The following ZNF112 variants were observed in gnomAD, a reference collection of about 807,000 sequenced individuals.
ZNF112 encodes the protein zinc finger protein 112.
In ZNF112, 37 loss-of-function variants were observed where a neutral mutation model predicts 77.7. The ratio of observed to expected loss-of-function variants is 0.48; its 90% CI spans 0.37 to 0.63. ZNF112 has a LOEUF of 0.63. ZNF112 is among the 20% of genes least tolerant of loss of function. The probability of loss-of-function intolerance (pLI) is 0.00; values close to 1 mark genes in which losing one functional copy is unlikely to be tolerated. For missense variants in ZNF112, 950 were observed against 1,077.4 expected (o/e 0.88, Z 1.66); for synonymous variants, 333 against 363.6 (o/e 0.92, Z 0.96).
At position 44,327,122 on chromosome 19, in the gene ZNF112, G is replaced by C. The variant is rs1970137336; in HGVS notation, c.*311C>G. 3 of 233,532 alleles carry C rather than the reference G, an allele frequency of 1.3e-5. No homozygotes were observed. Among genetic ancestry groups the C allele is most frequent in the African/African-American group, 2.3e-5 (1 of 44,268 alleles). The allele number at this position is 233,532 out of a possible 1,614,324, so 14.5% of individuals were successfully genotyped here. A position where few individuals can be genotyped will look rare whatever the true frequency, so the allele number is the denominator to read the frequency against. On this transcript the variant is annotated 3_prime_UTR_variant, in exon 4 of 4. Transcript: ENST00000354340. ...TGTCCTAGTTTTGTAGACTAGCAATGAACAAAGTCCCTTCTTTCACCAAGC... is the reference window on the plus strand; with the variant it reads ...TGTCCTAGTTTTGTAGACTAGCAATCAACAAAGTCCCTTCTTTCACCAAGC...
intron 1 of ZNF112, among the ~76,000 whole-genome samples, chr19:44,364,699 A>G (rs545440644): frequency 1.3e-5 from 2 of 152,362 alleles, no homozygotes; most frequent in Admixed American, 1.3e-4. Flanking sequence ...AATACAGTAT[A>G]ACAACTATTT....
chr19:44,329,852 G>C lies in ZNF112; in HGVS notation c.305C>G (p.Thr102Ser). ...TAACCCACCTGCACTTTGTTGCCAG[G>C]TCTGACGGGAGGAAAGCTCTTTGGG... ...FSPKELSSRQ[T>S]WQQSAGGLIR... Residue 102 changes from threonine (T) to serine (S), a missense_variant, in exon 4 of 4, where the codon ACC (threonine) becomes AGC (serine). By Grantham distance (58) the Thr-to-Ser change is moderately conservative. Coordinates refer to ENST00000354340, the MANE Select transcript of ZNF112 (RefSeq NM_013380.4). 1 of 1,613,958 alleles carries C rather than the reference G, an allele frequency of 6.2e-7. No individual in the cohort carries two copies. The highest frequency in any genetic ancestry group is 8.5e-7 in the Non-Finnish European group (1 of 1,179,976).
chr19:44,353,559 C>G (rs1000807456), intron 1 of ZNF112, among the ~76,000 whole-genome samples: 2 of 151,888 alleles, frequency 1.3e-5, no homozygotes, highest in Non-Finnish European at 2.9e-5. Flanking sequence ...AAAAATATAA[C>G]CCAATGTAAA....
chr19:44,355,656 G>A (rs1970773649), intron 1 of ZNF112, among the ~76,000 whole-genome samples: 1 of 152,112 alleles, frequency 6.6e-6, no homozygotes, highest in African/African-American at 2.4e-5. Context: ...TTTAAAATGG[G>A]AATGGTGGTA....
Position 44,336,660 on chromosome 19 carries a change from C to G in ZNF112, c.183G>C (p.Leu61Phe), listed in dbSNP as rs759728505. 1 of 1,614,020 alleles carries G rather than the reference C, an allele frequency of 6.2e-7. No individual in the cohort carries two copies. The highest frequency in any genetic ancestry group is 1.3e-5 in the African/African-American group (1 of 75,010). ...ISQLEREEKLLMVETETPRDG... is the reference protein window; with the variant it reads ...ISQLEREEKLFMVETETPRDG... Reference sequence around the variant, plus strand: ...CTCTTGGGGTTTCTGTCTCCACCATCAAAAGCTTTTCTTCTCTCTCCAGCT... The same window carrying G: ...CTCTTGGGGTTTCTGTCTCCACCATGAAAAGCTTTTCTTCTCTCTCCAGCT... The change falls in exon 3 of 4, where the codon TTG becomes TTC. Residue 61 changes from leucine to phenylalanine, a missense_variant. Leu to Phe is a conservative substitution (Grantham distance 22). Transcript: ENST00000354340.
In ZNF112 at chr19:44,328,903, G is replaced by A; in HGVS notation, c.1254C>T (p.Phe418=). The part of the protein sequence containing the change: ...LYTDIEYGKS[F]ICSSNLDIQH... ...GAATGTCAAGATTTGAACTACAAAT[G>A]AAACTCTTTCCATACTCTATATCTG... Residue 418 remains phenylalanine (F), a synonymous_variant, in exon 4 of 4, where the codon TTC becomes TTT. Coordinates refer to ENST00000354340, the MANE Select transcript of ZNF112 (RefSeq NM_013380.4). 6.2e-7 allele frequency: 1 copy of A among 1,613,968 alleles called. No individual in the cohort carries two copies. Among genetic ancestry groups the A allele is most frequent in the Non-Finnish European group, 8.5e-7 (1 of 1,179,964 alleles).
intron 1 of ZNF112, chr19:44,343,119 C>T (rs1040719010): frequency 2.2e-6 from 2 of 895,570 alleles, no homozygotes; most frequent in Admixed American, 2.8e-5. Flanking sequence ...AAACAAAAAG[C>T]AAGAGCCTGA....
At position 44,329,239 on chromosome 19, in the gene ZNF112, A is replaced by C; in HGVS notation, c.918T>G (p.Asp306Glu). ...HIHQNIERED[D>E]IENSHLKSYQ... The stretch of plus-strand genomic sequence containing the variant: ...AGGATTTCAGATGTGAATTCTCAAT[A>C]TCATCTTCTCTCTCAATATTTTGAT... Residue 306 changes from aspartate (D) to glutamate (E), a missense_variant, in exon 4 of 4, where the codon GAT (aspartate) becomes GAG (glutamate). By Grantham distance (45) the Asp-to-Glu change is conservative (BLOSUM62 2). Coordinates refer to ENST00000354340, the MANE Select transcript of ZNF112 (RefSeq NM_013380.4). 1 of 1,613,908 alleles carries C rather than the reference A, an allele frequency of 6.2e-7. No individual in the cohort carries two copies. Among genetic ancestry groups the C allele is most frequent in the Non-Finnish European group, 8.5e-7 (1 of 1,179,974 alleles).
intron 1 of ZNF112, chr19:44,341,326 C>A (rs541948023): frequency 7.4e-4 from 282 of 383,478 alleles, no homozygotes; most frequent in Non-Finnish European, 6.5e-4. Flanking sequence ...GTTACCTATA[C>A]GAACAATGTT....
intron 2 of ZNF112, 149 bp from the exon 3 acceptor site, chr19:44,336,867 T>C (rs1970378377): frequency 1.7e-6 from 1 of 587,098 alleles, no homozygotes; most frequent in Non-Finnish European, 3.0e-6. Context: ...GAAACTAACT[T>C]CATGATTTTC....
intron 3 of ZNF112, 62 bp downstream of exon 3, chr19:44,336,561 G>A (rs1970370079): frequency 1.4e-6 from 2 of 1,387,680 alleles, no homozygotes; most frequent in Admixed American, 3.4e-5. Context: ...GAAGTGATGT[G>A]TTCTGACTCA....
Position 44,327,492 on chromosome 19 carries a change from C to T in ZNF112, c.2665G>A (p.Gly889Ser), listed in dbSNP as rs761561582. ...SDKFYKSEDY[G>S]KDYPSSENLH... ...TTCTCTGATGAAGGGTAGTCCTTACCATAGTCTTCGCTTTTATAGAATTTA... is the reference window on the plus strand; with the variant it reads ...TTCTCTGATGAAGGGTAGTCCTTACTATAGTCTTCGCTTTTATAGAATTTA... The change falls in exon 4 of 4, where the codon GGT (glycine) becomes AGT (serine). Residue 889 changes from glycine (G) to serine (S), a missense_variant. Coordinates refer to ENST00000354340, the MANE Select transcript of ZNF112 (RefSeq NM_013380.4). 6.2e-7 allele frequency: 1 copy of T among 1,612,850 alleles called. No individual in the cohort carries two copies. The highest frequency in any genetic ancestry group is 2.2e-5 in the East Asian group (1 of 44,814).
intron 1 of ZNF112, among the ~76,000 whole-genome samples, chr19:44,362,363 A>C (rs1205469229): frequency 6.6e-6 from 1 of 152,174 alleles, no homozygotes; most frequent in African/African-American, 2.4e-5. Flanking sequence ...TGAAGACTAA[A>C]GAATTGAGTC....
intron 1 of ZNF112, chr19:44,341,176 G>A (rs774056788): frequency 1.5e-5 from 7 of 456,672 alleles, no homozygotes; most frequent in South Asian, 1.1e-4. Flanking sequence ...CTGGCACACA[G>A]TAAGTACCCA....
At chr19:44,337,393 TATAATATATATTTTATATATAATA>T (rs1970397028) in intron 2 of ZNF112, among the ~76,000 whole-genome samples, 1 of 62,070 alleles carries the variant, frequency 1.6e-5, no homozygotes, top group Non-Finnish European at 2.9e-5. Flanking sequence ...TAATAATATA[TATAATATATATTTTATATATAATA>T]ATATATATTA....
upstream of ZNF112, among the ~76,000 whole-genome samples, chr19:44,360,267 A>AAC: frequency 6.8e-6 from 1 of 146,352 alleles, no homozygotes; most frequent in Admixed American, 6.8e-5. Context: ...GAAAAAAAAA[A>AAC]AGAAAAGAAA....
At chr19:44,340,087 T>C (rs1018931757) in intron 2 of ZNF112, among the ~76,000 whole-genome samples, 1 of 119,172 alleles carries the variant, frequency 8.4e-6, no homozygotes, top group South Asian at 3.2e-4. Context: ...TAAAGTTATT[T>C]ACAAATATAA....
At chr19:44,344,805 C>T (rs1008348924) in intron 1 of ZNF112, among the ~76,000 whole-genome samples, 1 of 152,060 alleles carries the variant, frequency 6.6e-6, no homozygotes, top group African/African-American at 2.4e-5. Flanking sequence ...AAGGAGTCAT[C>T]AGACTATTGA....
intron 2 of ZNF112, among the ~76,000 whole-genome samples, chr19:44,337,379 T>G (rs1295249738): frequency 1.8e-5 from 1 of 56,730 alleles, no homozygotes; most frequent in Non-Finnish European, 3.1e-5. Context: ...ATATATTTTA[T>G]ATATAATAAT....
Sources: allele counts gnomAD v4.1 joint callset (sites outside exome capture counted in the v4.1 genomes callset), GRCh38; gene constraint gnomAD v4.1.1; transcripts MANE v1.5; gene names NCBI Gene and HGNC (gene_info 2026-07-23, HGNC 2026-07-21).